Variants in GUCY1A2 observed in about 807,000 individuals in gnomAD.
GUCY1A2 encodes the protein guanylate cyclase 1 soluble subunit alpha 2, also known as guanylate cyclase soluble subunit alpha-2.
Under a neutral mutation model 63.5 loss-of-function variants are expected in GUCY1A2, and 27 were observed. The observed-to-expected ratio is 0.43, with a 90% CI of 0.31 to 0.59. GUCY1A2 has a LOEUF of 0.59. Ranked by LOEUF, GUCY1A2 falls within the 20% of genes least tolerant of loss-of-function variation. GUCY1A2 has a pLI of 0.11. For missense variants in GUCY1A2, 768 were observed against 913.3 expected, an observed-to-expected ratio of 0.84 and a Z score of 2.05; for synonymous variants, 364 against 343.5, an observed-to-expected ratio of 1.06 and a Z score of -0.66.
intron 4 of GUCY1A2, chr11:106,827,200 C>A: frequency 6.6e-7 from 1 of 1,515,902 alleles, no homozygotes; most frequent in Admixed American, 1.7e-5. Context: ...CAACGCACTG[C>A]CTACATTATC....
intron 6 of GUCY1A2, among the ~76,000 whole-genome samples, chr11:106,724,803 A>G (rs1394912440): frequency 6.6e-6 from 1 of 152,138 alleles, no homozygotes; most frequent in Non-Finnish European, 1.5e-5. Flanking sequence ...CATCTCTGGC[A>G]TTTTACTGAG....
intron 4 of GUCY1A2, among the ~76,000 whole-genome samples, chr11:106,850,084 T>C (rs997264381): frequency 1.3e-4 from 19 of 151,822 alleles, no homozygotes; most frequent in Admixed American, 1.2e-3. Context: ...AAACTACTAA[T>C]CTAGTCTTCA....
At chr11:106,741,180 C>T (rs1291597173) in intron 6 of GUCY1A2, among the ~76,000 whole-genome samples, 1 of 152,206 alleles carries the variant, frequency 6.6e-6, no homozygotes, top group Non-Finnish European at 1.5e-5. Flanking sequence ...TTATTTAATA[C>T]ATTCAAAGTA....
intron 3 of GUCY1A2, among the ~76,000 whole-genome samples, chr11:106,970,329 GAGAA>G (rs1318087606): frequency 6.6e-6 from 1 of 152,118 alleles, no homozygotes; most frequent in Non-Finnish European, 1.5e-5. Context: ...CTAAGCAAAA[GAGAA>G]AGAGTCTACC....
chr11:106,903,991 T>A (rs534019832), intron 4 of GUCY1A2, among the ~76,000 whole-genome samples: 2 of 152,298 alleles, frequency 1.3e-5, no homozygotes, highest in South Asian at 4.1e-4. Context: ...GACATTGGAA[T>A]AACCAGAATT....
Position 107,016,195 on chromosome 11 carries a change from A to T in GUCY1A2, c.303+1558T>A, listed in dbSNP as rs1322488423. Among the ~76,000 whole-genome samples the T allele has an allele frequency of 2.0e-5, 3 of 152,232 alleles. No individual in the cohort carries two copies. In the East Asian group the frequency reaches 5.8e-4, roughly 29 times the overall value. ...AATCTCAAAAGAGAGACTCAACAGTAATCAAACAAGATCAGTGTTCAGATT... is the reference window on the plus strand; with the variant it reads ...AATCTCAAAAGAGAGACTCAACAGTTATCAAACAAGATCAGTGTTCAGATT... On this transcript the variant is annotated intron_variant, in intron 1 of 7. Coordinates refer to ENST00000526355, the MANE Select transcript of GUCY1A2 (RefSeq NM_000855.3).
chr11:106,867,710 T>C (rs1047117354), intron 4 of GUCY1A2, among the ~76,000 whole-genome samples: 4 of 152,058 alleles, frequency 2.6e-5, no homozygotes, highest in Non-Finnish European at 5.9e-5. Context: ...AAGTTAAAAA[T>C]TTCAAAATAA....
chr11:106,983,022 C>T (rs1415416631), intron 2 of GUCY1A2, among the ~76,000 whole-genome samples: 1 of 152,258 alleles, frequency 6.6e-6, no homozygotes, highest in Admixed American at 6.5e-5. Flanking sequence ...GAGCAGGGCC[C>T]AGTAATACGT....
At chr11:106,816,885 A>G (rs77877505) in intron 4 of GUCY1A2, among the ~76,000 whole-genome samples, 4,837 of 152,130 alleles carry the variant, frequency 0.032, 257 homozygotes, top group African/African-American at 0.11. Flanking sequence ...CCAAACTACC[A>G]AAACTCAACC....
intron 7 of GUCY1A2, among the ~76,000 whole-genome samples, chr11:106,695,028 G>C (rs994083717): frequency 1.3e-5 from 2 of 152,108 alleles, no homozygotes; most frequent in East Asian, 3.9e-4. Context: ...CATGTAAACA[G>C]GCTGATATTT....
At chr11:106,967,475 C>T (rs1166877864) in intron 3 of GUCY1A2, among the ~76,000 whole-genome samples, 1 of 152,016 alleles carries the variant, frequency 6.6e-6, no homozygotes, top group Non-Finnish European at 1.5e-5. Flanking sequence ...TTGAACAAAA[C>T]CCTATTGCAT....
At chr11:106,813,021 T>A (rs1858783894) in intron 4 of GUCY1A2, among the ~76,000 whole-genome samples, 1 of 152,018 alleles carries the variant, frequency 6.6e-6, no homozygotes, top group Non-Finnish European at 1.5e-5. Context: ...TTTCTCATAA[T>A]TATAACTTCA....
chr11:106,704,978 TATCCCATCATTGGGATGA>T (rs1239451253), intron 7 of GUCY1A2, among the ~76,000 whole-genome samples: 9 of 151,754 alleles, frequency 5.9e-5, no homozygotes, highest in Admixed American at 1.3e-4. Flanking sequence ...ATAAAAAACT[TATCCCATCATTGGGATGA>T]TGGGAACAAA....
At chr11:106,726,113 G>A (rs1863403042) in intron 6 of GUCY1A2, among the ~76,000 whole-genome samples, 1 of 152,098 alleles carries the variant, frequency 6.6e-6, no homozygotes, top group African/African-American at 2.4e-5. Context: ...CACAGTGCCT[G>A]ACACATAAAA....
chr11:106,749,177 T>C (rs1863842214), intron 6 of GUCY1A2, among the ~76,000 whole-genome samples: 1 of 152,034 alleles, frequency 6.6e-6, no homozygotes, highest in African/African-American at 2.4e-5. Flanking sequence ...TAGCCTAAAT[T>C]TGCAGCAGGC....
chr11:106,953,931 G>C (rs754507068), intron 3 of GUCY1A2, among the ~76,000 whole-genome samples: 3 of 151,738 alleles, frequency 2.0e-5, no homozygotes, highest in Non-Finnish European at 4.4e-5. Context: ...TCTAGCTATT[G>C]GTCTATCTAT....
At chr11:106,802,622 A>T (rs1433267234) in intron 5 of GUCY1A2, among the ~76,000 whole-genome samples, 1 of 152,130 alleles carries the variant, frequency 6.6e-6, no homozygotes, top group Non-Finnish European at 1.5e-5. Context: ...AACAACAGGA[A>T]TTTATTCCTC....
intron 5 of GUCY1A2, among the ~76,000 whole-genome samples, chr11:106,785,915 G>A (rs1864547755): frequency 6.6e-6 from 1 of 150,418 alleles, no homozygotes; most frequent in African/African-American, 2.5e-5. Context: ...TCAGAAAGGA[G>A]AAAAGCACTT....
At chr11:106,788,904 C>T (rs146651942) in intron 5 of GUCY1A2, among the ~76,000 whole-genome samples, 68 of 152,162 alleles carry the variant, frequency 4.5e-4, no homozygotes, top group African/African-American at 1.1e-3. Flanking sequence ...ATTCTGTATA[C>T]ATTTTAAGGT....
Sources: gnomAD v4.1 joint callset for allele counts (sites outside exome capture counted in the v4.1 genomes callset) on GRCh38, gnomAD v4.1.1 for gene constraint, MANE v1.5 for transcripts, NCBI Gene and HGNC (gene_info 2026-07-23, HGNC 2026-07-21) for gene names.